Variants in WDSUB1 observed in about 807,000 individuals in gnomAD.
The protein encoded by WDSUB1 is WD repeat, sterile alpha motif and U-box domain containing 1, also known as WD repeat, SAM and U-box domain-containing protein 1.
WDSUB1 carries 49 observed loss-of-function variants against 53.9 expected under a neutral mutation model. The observed-to-expected ratio is 0.91, with a 90% confidence interval of 0.72 to 1.15. WDSUB1 has a LOEUF of 1.15. Ranked by LOEUF, WDSUB1 falls within the 50% of genes most tolerant of loss-of-function variation. WDSUB1 has a pLI of 0.00. For synonymous variants in WDSUB1, 194 were observed against 200.6 expected, an observed-to-expected ratio of 0.97 and a Z score of 0.28; for missense variants, 514 against 562.0, an observed-to-expected ratio of 0.91 and a Z score of 0.86.
intron 5 of WDSUB1, among the ~76,000 whole-genome samples, chr2:159,264,356 AT>A (rs773348287): frequency 2.0e-5 from 3 of 152,210 alleles, no homozygotes; most frequent in Non-Finnish European, 4.4e-5. Flanking sequence ...AAAAAACATG[AT>A]TTGCATTTTG....
chr2:159,281,664 A>G (rs1476736230), intron 2 of WDSUB1, among the ~76,000 whole-genome samples: 2 of 121,982 alleles, frequency 1.6e-5, no homozygotes, highest in South Asian at 2.2e-4. Context: ...TGAGCTTTAC[A>G]TACTATTAAA....
chr2:159,285,973 G>C (rs185166148), intron 1 of WDSUB1, among the ~76,000 whole-genome samples: 2 of 152,084 alleles, frequency 1.3e-5, no homozygotes, highest in Non-Finnish European at 2.9e-5. Flanking sequence ...GCCCTCTGCC[G>C]CACTCAGCTC....
chr2:159,256,755 C>A (rs1404655230), intron 8 of WDSUB1, among the ~76,000 whole-genome samples: 6 of 152,174 alleles, frequency 3.9e-5, no homozygotes, highest in African/African-American at 1.4e-4. Flanking sequence ...TTAGATAATT[C>A]TGACAGTGAT....
intron 5 of WDSUB1, among the ~76,000 whole-genome samples, chr2:159,265,472 C>A (rs1558861625): frequency 6.6e-6 from 1 of 152,150 alleles, no homozygotes; most frequent in Non-Finnish European, 1.5e-5. Flanking sequence ...TGACTCATGC[C>A]TGTAATCCCA....
rs2061101280 is a variant in WDSUB1, at chr2:159,257,866, T to C, written c.846-2A>G. ...GCAAAAGCACAAGTTGTGACATACC[T>C]AGTTAATAAAAACAACTATTATGTA... On this transcript the variant is annotated splice_acceptor_variant, in intron 7 of 10. Coordinates refer to ENST00000359774, the MANE Select transcript of WDSUB1 (RefSeq NM_001128212.3). LOFTEE classifies it high-confidence loss of function. 6.2e-7 allele frequency: 1 copy of C among 1,613,466 alleles called. No homozygotes were observed. Among genetic ancestry groups the C allele is most frequent in the Non-Finnish European group, 8.5e-7 (1 of 1,179,376 alleles).
At chr2:159,254,425 G>C (rs1360965358) in intron 9 of WDSUB1, among the ~76,000 whole-genome samples, 1 of 152,054 alleles carries the variant, frequency 6.6e-6, no homozygotes, top group Admixed American at 6.6e-5. Flanking sequence ...GCCAGGCATG[G>C]TGGCACATGC....
At position 159,274,339 on chromosome 2, in the gene WDSUB1, A is replaced by G. The variant is rs141576396; in HGVS notation, c.676+1207T>C. On this transcript the variant is annotated intron_variant, in intron 4 of 10. Coordinates refer to ENST00000359774, the MANE Select transcript of WDSUB1 (RefSeq NM_001128212.3). ...AGAAACAAACTGAGACACTGTCTCT[A>G]TAAAAAATTTAAAAATTAGCCAGGG... Among the ~76,000 whole-genome samples, 85 of 152,332 alleles carry G rather than the reference A, an allele frequency of 5.6e-4. 1 individual carries two copies. In the East Asian group the frequency reaches 0.016, roughly 29 times the overall value.
chr2:159,248,549 A>C, intron 9 of WDSUB1, 37 bp from the exon 10 acceptor site: 1 of 1,469,700 alleles, frequency 6.8e-7, no homozygotes, highest in Non-Finnish European at 9.0e-7. Flanking sequence ...GATAACTACT[A>C]GTAATCCTTA....
At chr2:159,250,562 G>A (rs1199291302) in intron 9 of WDSUB1, among the ~76,000 whole-genome samples, 4 of 152,276 alleles carry the variant, frequency 2.6e-5, no homozygotes, top group African/African-American at 9.6e-5. Context: ...GAATGGTCAT[G>A]ACAGTTTATC....
intron 10 of WDSUB1, among the ~76,000 whole-genome samples, chr2:159,242,999 G>C (rs1216821316): frequency 1.4e-5 from 2 of 147,976 alleles, no homozygotes; most frequent in Admixed American, 1.3e-4. Context: ...GAAAGTAGAA[G>C]AGAAATTAGA....
At position 159,271,712 on chromosome 2, in the gene WDSUB1, G is replaced by T. The variant is rs1335844256; in HGVS notation, c.760C>A (p.Leu254Ile). The T allele has an allele frequency of 6.2e-7, 1 of 1,613,862 alleles. No homozygotes were observed. The highest frequency in any genetic ancestry group is 1.1e-5 in the South Asian group (1 of 91,074). ...AACCAACTAGCTTACCCTGAGACTA[G>T]CATCTGCCCATCATGGGAAAAAGCA... ...ACAFSHDGQM[L>I]VSGSVDKSVI... The change falls in exon 5 of 11, where the codon CTA (leucine) becomes ATA (isoleucine). Residue 254 changes from leucine to isoleucine, a missense_variant. Leu to Ile is a conservative substitution (Grantham distance 5). Coordinates refer to ENST00000359774, the MANE Select transcript of WDSUB1 (RefSeq NM_001128212.3).
chr2:159,255,644 A>C (rs1030116949), intron 9 of WDSUB1, among the ~76,000 whole-genome samples: 4 of 152,142 alleles, frequency 2.6e-5, no homozygotes, highest in African/African-American at 4.8e-5. Flanking sequence ...TATGTTTACT[A>C]TGTAAGGAAA....
rs113504909 is a variant in WDSUB1, at chr2:159,265,793, G to A, written c.770+5909C>T. The stretch of plus-strand genomic sequence containing the variant: ...TGGCTAGATCAAGAGAAGTAGGGTG[G>A]AACAAAAGACAAATTCTGCTAAGGG... On this transcript the variant is annotated intron_variant, in intron 5 of 10. Transcript: ENST00000359774. Among the ~76,000 whole-genome samples the A allele has an allele frequency of 6.6e-3, 1,002 of 152,250 alleles. 4 individuals are homozygous for A. The highest frequency in any genetic ancestry group is 0.01 in the Non-Finnish European group (697 of 68,024).
intron 10 of WDSUB1, among the ~76,000 whole-genome samples, chr2:159,247,441 C>T (rs1346977344): frequency 6.6e-6 from 1 of 151,696 alleles, no homozygotes; most frequent in Non-Finnish European, 1.5e-5. Context: ...AGTTTCAAAA[C>T]AACTATTAAG....
At chr2:159,238,811 T>C (rs981445499) in intron 10 of WDSUB1, among the ~76,000 whole-genome samples, 4 of 144,886 alleles carry the variant, frequency 2.8e-5, no homozygotes, top group Non-Finnish European at 5.9e-5. Context: ...AAGAATCACC[T>C]TGTGTATCTC....
chr2:159,272,807 C>G (rs1177578956), intron 4 of WDSUB1, among the ~76,000 whole-genome samples: 3 of 151,988 alleles, frequency 2.0e-5, no homozygotes, highest in Non-Finnish European at 4.4e-5. Context: ...TAAAATATAA[C>G]ACTCCTACAA....
chr2:159,252,437 G>A (rs1395408660), intron 9 of WDSUB1, among the ~76,000 whole-genome samples: 1 of 152,206 alleles, frequency 6.6e-6, no homozygotes, highest in African/African-American at 2.4e-5. Context: ...GTTGGCATCT[G>A]TGTAGAAGAA....
At chr2:159,283,667 A>G (rs1256913720) in intron 1 of WDSUB1, among the ~76,000 whole-genome samples, 14 of 151,776 alleles carry the variant, frequency 9.2e-5, no homozygotes, top group Non-Finnish European at 2.1e-4. Flanking sequence ...CCTTCAAAAA[A>G]AAAAAAAGAA....
chr2:159,258,032 A>G, intron 6 of WDSUB1, 47 bp from the exon 7 acceptor site: 15 of 1,556,604 alleles, frequency 9.6e-6, no homozygotes, highest in Non-Finnish European at 1.2e-5. Flanking sequence ...GTAAGAGTAA[A>G]GTTACTGATG....
Sources: gnomAD v4.1 joint callset for allele counts (sites outside exome capture counted in the v4.1 genomes callset) on GRCh38, gnomAD v4.1.1 for gene constraint, MANE v1.5 for transcripts, NCBI Gene and HGNC (gene_info 2026-07-23, HGNC 2026-07-21) for gene names.